The following CDYL variants were observed in gnomAD, a reference collection of about 807,000 sequenced individuals.
The protein encoded by CDYL is chromodomain Y like.
A neutral mutation model predicts 47.3 loss-of-function variants in CDYL; 8 were observed. That is an observed-to-expected ratio of 0.17 (90% CI 0.10 to 0.31). The LOEUF (loss-of-function observed/expected upper bound fraction) is 0.31, where lower values mean the gene tolerates loss of function less well. Among genes scored for constraint, CDYL ranks in the 10% least tolerant of loss-of-function variants. The pLI, the probability that CDYL is intolerant of heterozygous loss-of-function variation, is 1.00. For synonymous variants in CDYL, 266 were observed against 265.0 expected (o/e 1.00, Z -0.04); for missense variants, 471 against 701.4 (o/e 0.67, Z 3.71).
chr6:4,911,313 TC>T (rs2127500362), intron 2 of CDYL, among the ~76,000 whole-genome samples: 1 of 152,372 alleles, frequency 6.6e-6, no homozygotes, highest in African/African-American at 2.4e-5. Context: ...GATTTGGCTT[TC>T]AGCTGTCTGG....
chr6:4,772,812 T>A (rs1459330902), upstream of CDYL, among the ~76,000 whole-genome samples: 1 of 152,236 alleles, frequency 6.6e-6, no homozygotes, highest in African/African-American at 2.4e-5. Context: ...TCATTATCAG[T>A]AGCTTTTCAC....
chr6:4,782,943 A>G (rs1230625180), intron 1 of CDYL, among the ~76,000 whole-genome samples: 1 of 152,238 alleles, frequency 6.6e-6, no homozygotes, highest in Non-Finnish European at 1.5e-5. Flanking sequence ...CTATGCATAC[A>G]TGATGTCTAA....
chr6:4,919,949 C>G (rs572027387), intron 2 of CDYL, among the ~76,000 whole-genome samples: 1 of 60,860 alleles, frequency 1.6e-5, no homozygotes, highest in South Asian at 8.0e-4. Flanking sequence ...GGAAGCAACC[C>G]AAGTGTCTAT....
chr6:4,917,388 G>C (rs75074184), intron 2 of CDYL, among the ~76,000 whole-genome samples: 1 of 152,148 alleles, frequency 6.6e-6, no homozygotes, highest in African/African-American at 2.4e-5. Context: ...GTTTCTGTGT[G>C]GTGGTTCTGC....
At chr6:4,829,556 CTG>C (rs1467705921) in intron 1 of CDYL, among the ~76,000 whole-genome samples, 1 of 152,212 alleles carries the variant, frequency 6.6e-6, no homozygotes, top group Non-Finnish European at 1.5e-5. Context: ...TTGTGCATGG[CTG>C]TCTTTCCCCT....
upstream of CDYL, among the ~76,000 whole-genome samples, chr6:4,772,606 G>A (rs182932682): frequency 9.8e-5 from 15 of 152,290 alleles, no homozygotes; most frequent in African/African-American, 3.6e-4. Context: ...GTGGGTGATT[G>A]AGATGGAAAT....
intron 2 of CDYL, among the ~76,000 whole-genome samples, chr6:4,896,935 T>C (rs982744840): frequency 1.3e-5 from 2 of 152,144 alleles, no homozygotes; most frequent in African/African-American, 4.8e-5. Flanking sequence ...CTCACTTTTA[T>C]AGAATAACCA....
At chr6:4,861,962 A>G (rs1446362869) in intron 1 of CDYL, among the ~76,000 whole-genome samples, 1 of 152,162 alleles carries the variant, frequency 6.6e-6, no homozygotes, top group African/African-American at 2.4e-5. Flanking sequence ...ATTCAATCAC[A>G]TAGTCATTTT....
chr6:4,893,910 G>T (rs1250247879), intron 2 of CDYL, among the ~76,000 whole-genome samples: 1 of 152,258 alleles, frequency 6.6e-6, no homozygotes, highest in Admixed American at 6.5e-5. Flanking sequence ...TAGCAAAAAA[G>T]TGGAATATGA....
intron 1 of CDYL, among the ~76,000 whole-genome samples, chr6:4,869,338 C>T (rs1761410425): frequency 1.3e-5 from 2 of 152,208 alleles, no homozygotes; most frequent in Admixed American, 6.5e-5. Context: ...TCAGGTGATC[C>T]ACTCGCCTTG....
At chr6:4,844,125 A>G (rs570534966) in intron 1 of CDYL, among the ~76,000 whole-genome samples, 34 of 152,226 alleles carry the variant, frequency 2.2e-4, no homozygotes, top group Middle Eastern at 3.4e-3. Flanking sequence ...CTGCAGAGAT[A>G]CCGGGCTCTG....
intron 1 of CDYL, among the ~76,000 whole-genome samples, chr6:4,868,929 A>G (rs999449063): frequency 2.0e-5 from 3 of 152,142 alleles, no homozygotes; most frequent in South Asian, 4.1e-4. Flanking sequence ...TTTATTGGCT[A>G]AAAGTCTTCT....
intron 1 of CDYL, chr6:4,836,096 C>G (rs968506908): frequency 6.0e-6 from 1 of 166,444 alleles, no homozygotes; most frequent in African/African-American, 2.4e-5. Context: ...TGACCTGTGC[C>G]CACTGTCTGG....
chr6:4,808,928 T>A (rs1759446270), intron 1 of CDYL, among the ~76,000 whole-genome samples: 1 of 152,198 alleles, frequency 6.6e-6, no homozygotes, highest in African/African-American at 2.4e-5. Flanking sequence ...TGGTTGATTG[T>A]CATTGTGTGT....
chr6:4,853,721 G>C (rs9504271), intron 1 of CDYL, among the ~76,000 whole-genome samples: 10,192 of 152,228 alleles, frequency 0.067, 795 homozygotes, highest in African/African-American at 0.18. Flanking sequence ...ACACCAGGCA[G>C]CTGTCACCTT....
At chr6:4,854,764 G>A (rs892774315) in intron 1 of CDYL, among the ~76,000 whole-genome samples, 1 of 152,170 alleles carries the variant, frequency 6.6e-6, no homozygotes, top group Non-Finnish European at 1.5e-5. Context: ...CCAGGGTGAC[G>A]TCGAAACAAA....
intron 2 of CDYL, among the ~76,000 whole-genome samples, chr6:4,923,858 G>A (rs892245491): frequency 9.5e-5 from 14 of 148,064 alleles, no homozygotes; most frequent in African/African-American, 3.0e-4. Context: ...CCGAGGTCGC[G>A]CCACTGCACT....
chr6:4,801,055 C>A (rs1468186672), intron 1 of CDYL, among the ~76,000 whole-genome samples: 1 of 152,126 alleles, frequency 6.6e-6, no homozygotes, highest in Non-Finnish European at 1.5e-5. Flanking sequence ...TTTGGGAATT[C>A]TACTTATTTT....
At chr6:4,797,909 A>G (rs1368083071) in intron 1 of CDYL, among the ~76,000 whole-genome samples, 4 of 152,080 alleles carry the variant, frequency 2.6e-5, no homozygotes, top group Non-Finnish European at 5.9e-5. Flanking sequence ...TAGTATGAAC[A>G]TGTATTTTCT....
Sources: gnomAD v4.1 joint callset for allele counts (sites outside exome capture counted in the v4.1 genomes callset) on GRCh38, gnomAD v4.1.1 for gene constraint, MANE v1.5 for transcripts, NCBI Gene and HGNC (gene_info 2026-07-23, HGNC 2026-07-21) for gene names.